Variants in PAGE4 observed in about 807,000 individuals in gnomAD.
PAGE4 encodes the protein PAGE family member 4.
A neutral mutation model predicts 8.5 loss-of-function variants in PAGE4; 1 was observed. That is an observed-to-expected ratio of 0.12 (90% CI 0.04 to 0.56). The LOEUF is 0.56. Among genes scored for constraint, PAGE4 ranks in the 20% least tolerant of loss-of-function variants. The probability of loss-of-function intolerance (pLI) is 0.91; values close to 1 mark genes in which losing one functional copy is unlikely to be tolerated. For missense variants in PAGE4, 93 were observed against 82.7 expected (o/e 1.13, Z -0.49); for synonymous variants, 26 against 26.3 (o/e 0.99, Z 0.04).
chrX:49,833,705 C>T, intron 4 of PAGE4, 141 bp from the exon 5 acceptor site: 1 of 445,043 alleles, frequency 2.2e-6, no homozygotes, highest in Non-Finnish European at 4.0e-6. Flanking sequence ...TGTACATTAG[C>T]ATAGAAGTCT....
chrX:49,832,785 G>A (rs1013754491), intron 4 of PAGE4, 135 bp downstream of exon 4: 120 of 522,506 alleles, frequency 2.3e-4, no homozygotes, highest in Non-Finnish European at 3.5e-4. Context: ...ACAGTGTCAG[G>A]GGAAAAATGA....
intron 4 of PAGE4, among the ~76,000 whole-genome samples, chrX:49,833,161 C>T (rs1645212073): frequency 9.0e-6 from 1 of 111,396 alleles, no homozygotes; most frequent in African/African-American, 3.3e-5. Context: ...ACCAATAAGA[C>T]CATGTATATA....
intron 1 of PAGE4, chrX:49,829,776 C>A (rs1285836737): frequency 8.9e-6 from 1 of 112,267 alleles, no homozygotes; most frequent in Non-Finnish European, 1.9e-5. Flanking sequence ...GACTCTTTCA[C>A]CTGAGACTGA....
At position 49,832,564 on chromosome X, in the gene PAGE4, A is replaced by G; in HGVS notation, c.206A>G (p.Glu69Gly). ...VEGDCQEMDL[E>G]KTRSERGDGS... The stretch of plus-strand genomic sequence containing the variant: ...GGTGATTGCCAGGAAATGGATCTGG[A>G]AAAGACTCGGAGTGAGCGTGGAGAT... Residue 69 changes from glutamate (E) to glycine (G), a missense_variant, in exon 4 of 5, where the codon GAA becomes GGA. By Grantham distance (98) the Glu-to-Gly change is moderately conservative. Transcript: ENST00000218068. 1 of 1,197,420 alleles carries G rather than the reference A, an allele frequency of 8.4e-7. No homozygotes were observed. The highest frequency in any genetic ancestry group is 1.1e-6 in the Non-Finnish European group (1 of 883,704).
In PAGE4 at chrX:49,832,630, A is replaced by G. The variant is rs782511846; in HGVS notation, c.272A>G (p.His91Arg). ...GAGAAGACTCCACCTAATCCTAAGC[A>G]TGCTAAGACTAAAGAAGCAGGTACG... Reference protein sequence around the residue: ...VKEKTPPNPKHAKTKEAGDGQ... With the variant: ...VKEKTPPNPKRAKTKEAGDGQ... The change falls in exon 4 of 5, where the codon CAT (histidine) becomes CGT (arginine). Residue 91 changes from histidine (H) to arginine (R), a missense_variant. By Grantham distance (29) the His-to-Arg change is conservative. Transcript: ENST00000218068. The G allele has an allele frequency of 8.3e-7, 1 of 1,201,844 alleles. No individual in the cohort carries two copies. The highest frequency in any genetic ancestry group is 2.2e-5 in the Admixed American group (1 of 44,695).
At position 49,834,051 on chromosome X, in the gene PAGE4, G is replaced by C; in HGVS notation, c.*189G>C. On this transcript the variant is annotated 3_prime_UTR_variant, in exon 5 of 5. Transcript: ENST00000218068. ...TATCTTTAAAAAATCCTTGTGTTCT[G>C]TTTAGAGCTGGTATATATTTTTGTA... 1 of 404,136 alleles carries C rather than the reference G, an allele frequency of 2.5e-6. No homozygotes were observed. The highest frequency in any genetic ancestry group is 4.4e-6 in the Non-Finnish European group (1 of 229,826). The allele number at this position is 404,136 out of a possible 1,213,427, so 33.3% of individuals were successfully genotyped here.
rs1280086469 is a variant in PAGE4, at chrX:49,832,647, G to A, written c.289G>A (p.Ala97Thr). The change falls in exon 4 of 5, where the codon GCA becomes ACA. Residue 97 changes from alanine (A) to threonine (T), a missense_variant. Physicochemically the swap from Ala to Thr is moderately conservative, Grantham distance 58. Coordinates refer to ENST00000218068, the MANE Select transcript of PAGE4 (RefSeq NM_007003.4). ...PNPKHAKTKE[A>T]GDGQP ...TCCTAAGCATGCTAAGACTAAAGAA[G>A]CAGGTACGTTATTCATTCGGAATGG... The A allele has an allele frequency of 6.7e-6, 8 of 1,196,797 alleles. No homozygotes were observed. In the East Asian group the frequency reaches 2.1e-4, roughly 31 times the overall value.
In PAGE4 at chrX:49,834,061, G is replaced by A; in HGVS notation, c.*199G>A. The stretch of plus-strand genomic sequence containing the variant: ...AAATCCTTGTGTTCTGTTTAGAGCT[G>A]GTATATATTTTTGTATACTGATTTT... On this transcript the variant is annotated 3_prime_UTR_variant, in exon 5 of 5. Coordinates refer to ENST00000218068, the MANE Select transcript of PAGE4 (RefSeq NM_007003.4). 1 of 380,584 alleles carries A rather than the reference G, an allele frequency of 2.6e-6. No homozygotes were observed. The highest frequency in any genetic ancestry group is 4.6e-6 in the Non-Finnish European group (1 of 216,702). 31.4% of individuals were successfully genotyped at this position (380,584 alleles called of 1,213,427 possible). A position where few individuals can be genotyped will look rare whatever the true frequency, so the allele number is the denominator to read the frequency against.
intron 4 of PAGE4, 43 bp downstream of exon 4, chrX:49,832,693 T>C (rs1557156766): frequency 2.6e-5 from 28 of 1,080,859 alleles, no homozygotes; most frequent in Non-Finnish European, 3.5e-5. Context: ...GTTACTCTTT[T>C]TCTATAATAT....
intron 3 of PAGE4, among the ~76,000 whole-genome samples, chrX:49,831,503 T>C (rs1344448336): frequency 1.4e-4 from 16 of 112,350 alleles, no homozygotes; most frequent in African/African-American, 5.2e-4. Context: ...ATGTCATAAT[T>C]CAGAGAAATA....
chrX:49,832,589 T>A lies in PAGE4; in HGVS notation c.231T>A (p.Asp77Glu). 8.4e-7 allele frequency: 1 copy of A among 1,194,216 alleles called. No individual in the cohort carries two copies. The highest frequency in any genetic ancestry group is 3.0e-5 in the East Asian group (1 of 33,693). The change falls in exon 4 of 5, where the codon GAT becomes GAA. Residue 77 changes from aspartate to glutamate, a missense_variant. Physicochemically the swap from Asp to Glu is conservative, Grantham distance 45 (BLOSUM62 2). Transcript: ENST00000218068. ...AAAAGACTCGGAGTGAGCGTGGAGA[T>A]GGCTCTGATGTAAAAGAGAAGACTC... Reference protein sequence around the residue: ...DLEKTRSERGDGSDVKEKTPP... With the variant: ...DLEKTRSERGEGSDVKEKTPP...
At chrX:49,831,694 C>T (rs983562744) in intron 3 of PAGE4, among the ~76,000 whole-genome samples, 1 of 111,807 alleles carries the variant, frequency 8.9e-6, no homozygotes, top group Admixed American at 9.5e-5. Flanking sequence ...TCACTGATTG[C>T]TATAACATTT....
Position 49,830,411 on chromosome X carries a change from G to C in PAGE4, c.-18G>C. The C allele has an allele frequency of 8.7e-7, 1 of 1,153,659 alleles. No individual in the cohort carries two copies. Among genetic ancestry groups the C allele is most frequent in the Non-Finnish European group, 1.2e-6 (1 of 849,572 alleles). ...CTTTTTATTGCAGTCTTCAGTTCAC[G>C]ATCTTCTAGTTGCAGCGATGAGTGC... On this transcript the variant is annotated 5_prime_UTR_variant, in exon 2 of 5. Coordinates refer to ENST00000218068, the MANE Select transcript of PAGE4 (RefSeq NM_007003.4).
intron 1 of PAGE4, chrX:49,830,072 C>T (rs782316054): frequency 4.6e-5 from 6 of 130,257 alleles, no homozygotes; most frequent in Non-Finnish European, 9.0e-5. Context: ...GGACAGGTTT[C>T]GGAGTTCTCA....
At position 49,830,377 on chromosome X, in the gene PAGE4, T is replaced by A. The variant is rs1386062694; in HGVS notation, c.-30-22T>A. ...AGATGGCCATGGAAAGAGTCAAGTA[T>A]AATTACTCCTTTTTATTGCAGTCTT... On this transcript the variant is annotated intron_variant, in intron 1 of 4. Transcript: ENST00000218068. 7 of 860,795 alleles carry A rather than the reference T, an allele frequency of 8.1e-6. No homozygotes were observed. In the Admixed American group the frequency reaches 1.7e-4, roughly 21 times the overall value. The allele number at this position is 860,795 out of a possible 1,213,427, so 70.9% of individuals were successfully genotyped here. A position where few individuals can be genotyped will look rare whatever the true frequency, so the allele number is the denominator to read the frequency against.
chrX:49,834,022 ATGGTATCTTT>A lies in PAGE4; in HGVS notation c.*161_*170del. On this transcript the variant is annotated 3_prime_UTR_variant, in exon 5 of 5. Coordinates refer to ENST00000218068, the MANE Select transcript of PAGE4 (RefSeq NM_007003.4). ...TCCTAGGAAATTGACACTATTGTAA[ATGGTATCTTT>A]AAAAAATCCTTGTGTTCTGTTTAGA... 1 of 437,805 alleles carries A rather than the reference ATGGTATCTTT, an allele frequency of 2.3e-6. No individual in the cohort carries two copies. The highest frequency in any genetic ancestry group is 3.9e-5 in the Admixed American group (1 of 25,510). The allele number at this position is 437,805 out of a possible 1,213,427, so 36.1% of individuals were successfully genotyped here.
Position 49,831,096 on chromosome X carries a change from A to C in PAGE4, c.166+12A>C, listed in dbSNP as rs1923465685. ...ACCTCCGATCGAAGGTGAGAAGGGC[A>C]TGGAGGAGCATTTTGTGTTTCATGT... On this transcript the variant is annotated intron_variant, in intron 3 of 4. Coordinates refer to ENST00000218068, the MANE Select transcript of PAGE4 (RefSeq NM_007003.4). The C allele has an allele frequency of 6.6e-6, 7 of 1,059,555 alleles. No homozygotes were observed. The South Asian group carries it at 1.0e-4, about 16-fold the overall frequency. 87.3% of individuals were successfully genotyped at this position (1,059,555 alleles called of 1,213,427 possible).
intron 2 of PAGE4, 156 bp from the exon 3 acceptor site, chrX:49,830,841 C>T (rs1308583585): frequency 1.5e-5 from 7 of 460,820 alleles, no homozygotes; most frequent in Non-Finnish European, 2.6e-5. Context: ...GGAAGAATAA[C>T]TTTTCTTAAG....
chrX:49,832,501 C>G (rs781838096), intron 3 of PAGE4, 24 bp from the exon 4 acceptor site: 1 of 1,050,547 alleles, frequency 9.5e-7, no homozygotes, highest in Non-Finnish European at 1.3e-6. Flanking sequence ...TTACTTATAT[C>G]AATAACTTTT....
Sources: gnomAD v4.1 joint callset for allele counts (sites outside exome capture counted in the v4.1 genomes callset) on GRCh38, gnomAD v4.1.1 for gene constraint, MANE v1.5 for transcripts, NCBI Gene and HGNC (gene_info 2026-07-23, HGNC 2026-07-21) for gene names.